KDM4A: variants seen among roughly 807,000 people sequenced by gnomAD.
KDM4A encodes the protein lysine-specific demethylase 4A.
In KDM4A, 23 loss-of-function variants were observed where a neutral mutation model predicts 127.1. That is an observed-to-expected ratio of 0.18 (90% CI 0.13 to 0.26). The LOEUF is 0.26. Among genes scored for constraint, KDM4A ranks in the 10% least tolerant of loss-of-function variants. The pLI, the probability that KDM4A is intolerant of heterozygous loss-of-function variation, is 1.00. For missense variants in KDM4A, 890 were observed against 1,329.1 expected (o/e 0.67, Z 5.14); for synonymous variants, 443 against 466.5 (o/e 0.95, Z 0.65).
chr1:43,691,207 A>C (rs1176334417), intron 14 of KDM4A, among the ~76,000 whole-genome samples, 158 bp downstream of exon 14: 2 of 152,210 alleles, frequency 1.3e-5, no homozygotes, highest in Admixed American at 6.5e-5. Context: ...CCAGGGGTCC[A>C]TACTGGCACT....
At position 43,688,855 on chromosome 1, in the gene KDM4A, A is replaced by G. The variant is rs573337774; in HGVS notation, c.1856-59A>G. On this transcript the variant is annotated intron_variant, in intron 12 of 21. Coordinates refer to ENST00000372396, the MANE Select transcript of KDM4A (RefSeq NM_014663.3). The surrounding 1 kb of genome is among the most constrained non-coding windows in gnomAD (Gnocchi z 4.4). ...TCCTAGTGGAACTCATCTGTTCTCC[A>G]GGCAGAGCCACAGATGTGCAGGGTT... is the stretch of plus-strand genomic sequence containing the variant. 1.6e-4 allele frequency: 246 copies of G among 1,492,068 alleles called. 1 individual carries two copies. Among genetic ancestry groups the G allele is most frequent in the Admixed American group, 2.7e-4 (15 of 55,952 alleles). The allele number at this position is 1,492,068 out of a possible 1,614,324, so 92.4% of individuals were successfully genotyped here. A position where few individuals can be genotyped will look rare whatever the true frequency, so the allele number is the denominator to read the frequency against.
chr1:43,682,061 CG>C (rs1341478148), intron 11 of KDM4A, among the ~76,000 whole-genome samples: 2 of 152,106 alleles, frequency 1.3e-5, no homozygotes, highest in African/African-American at 4.8e-5. Flanking sequence ...CTTGACCTTC[CG>C]GGCTCAGGTA....
At chr1:43,666,099 G>A (rs1404831988) in intron 6 of KDM4A, among the ~76,000 whole-genome samples, 23 of 152,208 alleles carry the variant, frequency 1.5e-4, no homozygotes, top group Non-Finnish European at 4.4e-5. Context: ...GGAGAACATA[G>A]GAAAGCCTGG....
At chr1:43,661,164 G>A (rs1027602675) in intron 4 of KDM4A, among the ~76,000 whole-genome samples, 3 of 151,782 alleles carry the variant, frequency 2.0e-5, no homozygotes, top group African/African-American at 7.3e-5. Context: ...TAGTAGAGAC[G>A]GGGTTTCTCC....
At chr1:43,690,085 C>T (rs1661074022) in intron 13 of KDM4A, among the ~76,000 whole-genome samples, 1 of 152,196 alleles carries the variant, frequency 6.6e-6, no homozygotes. Flanking sequence ...GTATAGTTTG[C>T]CAAGGGAAGT....
At position 43,669,099 on chromosome 1, in the gene KDM4A, G is replaced by A; in HGVS notation, c.1164-1G>A. ...TAAAAGATTTGCCCTCTCCCTTGCAGCCTGGCCAAGCACCGAATAGGGACA... is the reference window on the plus strand; with the variant it reads ...TAAAAGATTTGCCCTCTCCCTTGCAACCTGGCCAAGCACCGAATAGGGACA... On this transcript the variant is annotated splice_acceptor_variant, in intron 9 of 21. Transcript: ENST00000372396. LOFTEE classifies it high-confidence loss of function. 1 of 1,614,212 alleles carries A rather than the reference G, an allele frequency of 6.2e-7. No homozygotes were observed. The highest frequency in any genetic ancestry group is 8.5e-7 in the Non-Finnish European group (1 of 1,180,036).
chr1:43,704,041 C>G lies in KDM4A; in HGVS notation c.2983C>G (p.Gln995Glu). The change falls in exon 21 of 22, where the codon CAA becomes GAA. Residue 995 changes from glutamine (Q) to glutamate (E), a missense_variant. Transcript: ENST00000372396. The part of the protein sequence containing the change: ...MYQVEFEDGS[Q>E]LVVKRDDVYT... ...GTAGGTGGAGTTTGAGGATGGCTCA[C>G]AACTTGTGGTTAAGAGAGATGATGT... 1 of 1,614,112 alleles carries G rather than the reference C, an allele frequency of 6.2e-7. No homozygotes were observed. Among genetic ancestry groups the G allele is most frequent in the Non-Finnish European group, 8.5e-7 (1 of 1,179,984 alleles).
At chr1:43,672,177 T>C (rs1183888619) in intron 11 of KDM4A, among the ~76,000 whole-genome samples, 2 of 152,134 alleles carry the variant, frequency 1.3e-5, no homozygotes, top group African/African-American at 4.8e-5. Flanking sequence ...CTCAGCCCAC[T>C]TGGATCACAA....
At chr1:43,687,538 G>A (rs1166630667) in intron 12 of KDM4A, among the ~76,000 whole-genome samples, 1 of 152,210 alleles carries the variant, frequency 6.6e-6, no homozygotes, top group Admixed American at 6.5e-5. Context: ...GGCCTTGCTT[G>A]GTCACACTTG....
Position 43,694,994 on chromosome 1 carries a change from T to C in KDM4A, c.2670+100T>C, listed in dbSNP as rs1274334149. On this transcript the variant is annotated intron_variant, in intron 18 of 21. Transcript: ENST00000372396. This position sits in a 1 kb window ranked among gnomAD's most constrained non-coding sequence, Gnocchi z 5.2. The stretch of plus-strand genomic sequence containing the variant: ...GTATCAGCAACTATTTCCTCAAGCA[T>C]TCTGCATTATGAAGAGTGCTAATGA... The C allele has an allele frequency of 6.9e-6, 8 of 1,160,904 alleles. No homozygotes were observed. Among genetic ancestry groups the C allele is most frequent in the African/African-American group, 1.5e-5 (1 of 64,692 alleles). 71.9% of individuals were successfully genotyped at this position (1,160,904 alleles called of 1,614,324 possible). A position where few individuals can be genotyped will look rare whatever the true frequency, so the allele number is the denominator to read the frequency against.
rs370052061 is a variant in KDM4A at position 43,694,282 on chromosome 1, C to T, written c.2484+180C>T. Among the ~76,000 whole-genome samples the T allele has an allele frequency of 3.2e-4, 48 of 152,060 alleles. No individual in the cohort carries two copies. Among genetic ancestry groups the T allele is most frequent in the Admixed American group, 3.1e-3 (47 of 15,262 alleles). ...CTGTAATCCCAGCCCTTTGTGGGGC[C>T]GAGGTGGGTGAACCACTTGAGGTCA... On this transcript the variant is annotated intron_variant, in intron 17 of 21. Coordinates refer to ENST00000372396, the MANE Select transcript of KDM4A (RefSeq NM_014663.3). This position sits in a 1 kb window ranked among gnomAD's most constrained non-coding sequence, Gnocchi z 5.2.
In KDM4A at chr1:43,704,394, C is replaced by A; in HGVS notation, c.*24C>A. ...AGGTGCTTCCAGGGTCCAAGGGATT[C>A]TCAGCCATCCAGGCAAGAGCACTCT... On this transcript the variant is annotated 3_prime_UTR_variant, in exon 22 of 22. Coordinates refer to ENST00000372396, the MANE Select transcript of KDM4A (RefSeq NM_014663.3). 1 of 1,606,370 alleles carries A rather than the reference C, an allele frequency of 6.2e-7. No homozygotes were observed. Among genetic ancestry groups the A allele is most frequent in the South Asian group, 1.1e-5 (1 of 89,968 alleles).
chr1:43,700,136 T>C (rs1427466680), intron 19 of KDM4A: 1 of 152,206 alleles, frequency 6.6e-6, no homozygotes, highest in East Asian at 1.9e-4. Context: ...AGTTTGTTTT[T>C]GTTTTTTTAA....
At chr1:43,666,028 T>C (rs965070798) in intron 6 of KDM4A, among the ~76,000 whole-genome samples, 3 of 152,222 alleles carry the variant, frequency 2.0e-5, no homozygotes, top group Non-Finnish European at 4.4e-5. Flanking sequence ...GACCCAAATG[T>C]TAAAGAAAAA....
At chr1:43,666,123 C>T (rs489319) in intron 6 of KDM4A, among the ~76,000 whole-genome samples, 54,097 of 152,064 alleles carry the variant, frequency 0.36, 10,197 homozygotes, top group African/African-American at 0.48. Flanking sequence ...GATGATACTA[C>T]AGCTGCATTA....
intron 5 of KDM4A, among the ~76,000 whole-genome samples, chr1:43,665,210 T>C (rs1338994224): frequency 1.3e-5 from 2 of 152,060 alleles, no homozygotes; most frequent in African/African-American, 4.8e-5. Flanking sequence ...AAAGGGAAAG[T>C]GGGTTCATCA....
chr1:43,660,554 G>A lies in KDM4A; in HGVS notation c.429+142G>A, dbSNP rs1030987910. 4.0e-6 allele frequency: 5 copies of A among 1,264,230 alleles called. No homozygotes were observed. The African/African-American group carries it at 6.1e-5, about 15-fold the overall frequency. The allele number at this position is 1,264,230 out of a possible 1,614,324, so 78.3% of individuals were successfully genotyped here. A position where few individuals can be genotyped will look rare whatever the true frequency, so the allele number is the denominator to read the frequency against. On this transcript the variant is annotated intron_variant, in intron 4 of 21. Coordinates refer to ENST00000372396, the MANE Select transcript of KDM4A (RefSeq NM_014663.3). ...TGATCTACCCCCAGCTGATGTTGCT[G>A]TGCTGGCCTAATTGTGGGCCATTTT...
chr1:43,701,218 C>T (rs1661383384), intron 19 of KDM4A, among the ~76,000 whole-genome samples: 1 of 152,134 alleles, frequency 6.6e-6, no homozygotes, highest in South Asian at 2.1e-4. Context: ...CACGCCCGGC[C>T]ATAAATATTT....
intron 11 of KDM4A, among the ~76,000 whole-genome samples, chr1:43,681,168 T>C (rs1180680677): frequency 6.6e-6 from 1 of 152,186 alleles, no homozygotes; most frequent in Non-Finnish European, 1.5e-5. Flanking sequence ...TAGCTCCCCG[T>C]TGCTGAGTGA....
Sources: allele counts gnomAD v4.1 joint callset (sites outside exome capture counted in the v4.1 genomes callset), GRCh38; gene constraint gnomAD v4.1.1; non-coding constraint Gnocchi (gnomAD v3.1); transcripts MANE v1.5; gene names NCBI Gene and HGNC (gene_info 2026-07-23, HGNC 2026-07-21).